L3MBTL4: variants seen among roughly 807,000 people sequenced by gnomAD.
The protein encoded by L3MBTL4 is lethal(3)malignant brain tumor-like protein 4.
A neutral mutation model predicts 84.5 loss-of-function variants in L3MBTL4; 70 were observed. That is an observed-to-expected ratio of 0.83 (90% CI 0.68 to 1.01). The LOEUF (loss-of-function observed/expected upper bound fraction) is 1.01. L3MBTL4 is among the 50% of genes least tolerant of loss of function. The pLI is 0.00. For synonymous variants in L3MBTL4, 274 were observed against 259.8 expected, an observed-to-expected ratio of 1.05 and a Z score of -0.52; for missense variants, 715 against 754.8, an observed-to-expected ratio of 0.95 and a Z score of 0.62.
intron 12 of L3MBTL4, among the ~76,000 whole-genome samples, chr18:6,175,487 T>A (rs1424483493): frequency 6.6e-6 from 1 of 152,088 alleles, no homozygotes; most frequent in Admixed American, 6.5e-5. Context: ...ACGATCTACA[T>A]GAAGAGTACT....
intron 14 of L3MBTL4, among the ~76,000 whole-genome samples, chr18:6,129,558 A>G (rs1175640734): frequency 1.3e-5 from 2 of 152,164 alleles, no homozygotes; most frequent in Non-Finnish European, 2.9e-5. Flanking sequence ...CTCTGAACAT[A>G]TGTACTATGA....
chr18:6,219,119 G>T (rs995531854), intron 10 of L3MBTL4, among the ~76,000 whole-genome samples: 1 of 151,968 alleles, frequency 6.6e-6, no homozygotes, highest in Non-Finnish European at 1.5e-5. Flanking sequence ...CATTTTTTAG[G>T]TGAGAACTTG....
chr18:6,097,564 G>C (rs1394014133), intron 14 of L3MBTL4, among the ~76,000 whole-genome samples: 1 of 152,142 alleles, frequency 6.6e-6, no homozygotes, highest in Non-Finnish European at 1.5e-5. Flanking sequence ...AGTTGGGACA[G>C]TTTCCCTGTA....
chr18:6,327,108 G>T (rs1468495259), intron 1 of L3MBTL4, among the ~76,000 whole-genome samples: 1 of 152,208 alleles, frequency 6.6e-6, no homozygotes. Flanking sequence ...GACTGGTAAA[G>T]GTAAGGCTCA....
chr18:5,979,367 G>A (rs2053106058), intron 16 of L3MBTL4, among the ~76,000 whole-genome samples: 1 of 152,196 alleles, frequency 6.6e-6, no homozygotes, highest in Admixed American at 6.5e-5. Flanking sequence ...CACCGTGCCT[G>A]TCATCCAGGA....
At chr18:6,094,331 G>C (rs184132517) in intron 14 of L3MBTL4, among the ~76,000 whole-genome samples, 3 of 152,192 alleles carry the variant, frequency 2.0e-5, no homozygotes, top group Non-Finnish European at 4.4e-5. Flanking sequence ...ACCCAAGACA[G>C]GTCACTTGTA....
chr18:6,136,129 G>A (rs977644067), intron 14 of L3MBTL4, among the ~76,000 whole-genome samples: 8 of 152,160 alleles, frequency 5.3e-5, no homozygotes, highest in African/African-American at 1.9e-4. Flanking sequence ...AATAGCACGG[G>A]AAATACTGGG....
At chr18:6,291,570 C>T (rs1449268131) in intron 4 of L3MBTL4, among the ~76,000 whole-genome samples, 1 of 152,140 alleles carries the variant, frequency 6.6e-6, no homozygotes, top group African/African-American at 2.4e-5. Flanking sequence ...TTATCTTCAA[C>T]AAAATGCACC....
At chr18:6,384,685 G>A (rs1178430190) in intron 1 of L3MBTL4, among the ~76,000 whole-genome samples, 3 of 152,180 alleles carry the variant, frequency 2.0e-5, no homozygotes, top group Admixed American at 6.5e-5. Flanking sequence ...TCAGTGACTT[G>A]CTTCTTCTCC....
intron 10 of L3MBTL4, among the ~76,000 whole-genome samples, chr18:6,216,302 A>G (rs1439676907): frequency 6.6e-6 from 1 of 152,224 alleles, no homozygotes; most frequent in Admixed American, 6.5e-5. Context: ...AATCTTTGTA[A>G]TTACAATTTC....
At chr18:6,047,723 A>T (rs890892996) in intron 16 of L3MBTL4, among the ~76,000 whole-genome samples, 3 of 152,210 alleles carry the variant, frequency 2.0e-5, no homozygotes, top group African/African-American at 7.2e-5. Flanking sequence ...AAAAACCCTC[A>T]ACAGACTAGT....
At chr18:6,056,155 C>T (rs976748233) in intron 16 of L3MBTL4, among the ~76,000 whole-genome samples, 1 of 152,044 alleles carries the variant, frequency 6.6e-6, no homozygotes, top group Non-Finnish European at 1.5e-5. Flanking sequence ...GCGATTCTGT[C>T]ATTTCCAAGA....
intron 16 of L3MBTL4, among the ~76,000 whole-genome samples, chr18:6,077,457 A>G (rs1194217964): frequency 1.3e-5 from 2 of 152,188 alleles, no homozygotes; most frequent in Non-Finnish European, 1.5e-5. Flanking sequence ...CGTATTGAAA[A>G]AAGTGTGTTC....
chr18:6,324,213 A>G (rs974371184), intron 1 of L3MBTL4, among the ~76,000 whole-genome samples: 2 of 152,244 alleles, frequency 1.3e-5, no homozygotes, highest in African/African-American at 4.8e-5. Context: ...ACATTCAGGC[A>G]AAAGCCTGCT....
At chr18:6,117,544 G>A (rs546133366) in intron 14 of L3MBTL4, among the ~76,000 whole-genome samples, 151 of 152,318 alleles carry the variant, frequency 9.9e-4, no homozygotes, top group African/African-American at 3.6e-3. Flanking sequence ...AGGAGGATGG[G>A]AAAAGCTGTG....
At chr18:6,005,667 C>T (rs1055801871) in intron 16 of L3MBTL4, among the ~76,000 whole-genome samples, 1 of 152,144 alleles carries the variant, frequency 6.6e-6, no homozygotes, top group Non-Finnish European at 1.5e-5. Flanking sequence ...AAGGACGTGA[C>T]TTCATTTTTT....
At position 6,093,360 on chromosome 18, in the gene L3MBTL4, C is replaced by T. The variant is rs570005789; in HGVS notation, c.1368G>A (p.Gln456=). ...ATTTTTAAGAAGTTTCTTACCTGGG[C>T]TGACTGTTCACCTTTTCATGTTTTC... is the stretch of plus-strand genomic sequence containing the variant. ...FNGKHEKVNS[Q]PRLVQQAKCL... Residue 456 remains glutamine, a synonymous_variant, in exon 15 of 19, where the codon CAG becomes CAA. Transcript: ENST00000317931. 3.2e-5 allele frequency: 51 copies of T among 1,605,906 alleles called. No homozygotes were observed. In the East Asian group the frequency reaches 9.4e-4, roughly 30 times the overall value.
intron 5 of L3MBTL4, among the ~76,000 whole-genome samples, chr18:6,249,317 A>T (rs1179423691): frequency 6.6e-6 from 1 of 152,226 alleles, no homozygotes; most frequent in Non-Finnish European, 1.5e-5. Context: ...TCATGTTTTA[A>T]CAAAACTGAA....
chr18:6,098,338 G>A (rs2058707497), intron 14 of L3MBTL4, among the ~76,000 whole-genome samples: 1 of 152,168 alleles, frequency 6.6e-6, no homozygotes, highest in African/African-American at 2.4e-5. Flanking sequence ...CAGAGTCCCA[G>A]ACCAGTCCTT....
Sources: allele counts gnomAD v4.1 joint callset (sites outside exome capture counted in the v4.1 genomes callset), GRCh38; gene constraint gnomAD v4.1.1; transcripts MANE v1.5; gene names NCBI Gene and HGNC (gene_info 2026-07-23, HGNC 2026-07-21).